TRIM33: variants seen among roughly 807,000 people sequenced by gnomAD.
TRIM33 encodes the protein E3 ubiquitin-protein ligase TRIM33.
In TRIM33, 20 loss-of-function variants were observed where a neutral mutation model predicts 125.4. The observed-to-expected ratio is 0.16, with a 90% CI of 0.11 to 0.23. The LOEUF (loss-of-function observed/expected upper bound fraction) is 0.23, where lower values mean the gene tolerates loss of function less well. TRIM33 is among the 10% of genes least tolerant of loss of function. The pLI, the probability that TRIM33 is intolerant of heterozygous loss-of-function variation, is 1.00. For missense variants in TRIM33, 920 were observed against 1,411.4 expected, an observed-to-expected ratio of 0.65 and a Z score of 5.58; for synonymous variants, 564 against 513.9, an observed-to-expected ratio of 1.10 and a Z score of -1.32.
At chr1:114,436,898 G>C (rs927421883) in intron 4 of TRIM33, among the ~76,000 whole-genome samples, 1 of 152,146 alleles carries the variant, frequency 6.6e-6, no homozygotes, top group Non-Finnish European at 1.5e-5. Context: ...TGTTAAATCT[G>C]AACAAATAAA....
chr1:114,459,585 CAT>C (rs1348329352), intron 4 of TRIM33, among the ~76,000 whole-genome samples: 1 of 152,130 alleles, frequency 6.6e-6, no homozygotes, highest in Non-Finnish European at 1.5e-5. Context: ...GCCTGGGCGA[CAT>C]AGCAAGATCT....
Position 114,433,621 on chromosome 1 carries a change from T to C in TRIM33, c.1036A>G (p.Asn346Asp), listed in dbSNP as rs769982816. Residue 346 changes from asparagine (N) to aspartate (D), a missense_variant, in exon 5 of 20, where the codon AAT becomes GAT. By Grantham distance (23) the Asn-to-Asp change is conservative. This residue lies in a region of TRIM33 where 50 missense variants were observed against 110.8 expected (regional missense o/e 0.45). Coordinates refer to ENST00000358465, the MANE Select transcript of TRIM33 (RefSeq NM_015906.4). ...YVHFAATQVQ[N>D]RIKEVNETNK... ...GTTTTAAGGCAACAAACTTACCTAT[T>C]CTGCACCTGAGTAGCTGCAAAATGA... 6.3e-7 allele frequency: 1 copy of C among 1,599,166 alleles called. No homozygotes were observed. Among genetic ancestry groups the C allele is most frequent in the South Asian group, 1.1e-5 (1 of 89,038 alleles).
Position 114,430,902 on chromosome 1 carries a change from C to T in TRIM33, c.1051G>A (p.Val351Ile). 1 of 1,576,162 alleles carries T rather than the reference C, an allele frequency of 6.3e-7. No homozygotes were observed. Among genetic ancestry groups the T allele is most frequent in the Non-Finnish European group, 8.7e-7 (1 of 1,145,986 alleles). Reference protein sequence around the residue: ...ATQVQNRIKEVNETNKRVEQE... With the variant: ...ATQVQNRIKEINETNKRVEQE... ...TCTACTCGTTTGTTAGTCTCATTTA[C>T]TTCTTTTATCCTGAATAAGAGAAAT... The change falls in exon 6 of 20, where the codon GTA (valine) becomes ATA (isoleucine). Residue 351 changes from valine (V) to isoleucine (I), a missense_variant. Physicochemically the swap from Val to Ile is conservative, Grantham distance 29. Transcript: ENST00000358465.
At chr1:114,463,667 A>T in intron 2 of TRIM33, 111 bp from the exon 3 acceptor site, 1 of 665,974 alleles carries the variant, frequency 1.5e-6, no homozygotes, top group Non-Finnish European at 2.5e-6. Context: ...GAATAAAATT[A>T]TTTTGTTATC....
At chr1:114,472,205 T>G (rs952268708) in intron 1 of TRIM33, among the ~76,000 whole-genome samples, 4 of 152,216 alleles carry the variant, frequency 2.6e-5, no homozygotes, top group African/African-American at 9.6e-5. Flanking sequence ...GGCTGCAATT[T>G]TCTTAAATTC....
At chr1:114,503,447 C>T (rs1652822779) in intron 1 of TRIM33, among the ~76,000 whole-genome samples, 1 of 152,100 alleles carries the variant, frequency 6.6e-6, no homozygotes, top group Non-Finnish European at 1.5e-5. Flanking sequence ...CACTGCACTC[C>T]AGTGTGGGTG....
At chr1:114,463,273 A>G in intron 3 of TRIM33, 37 bp from the exon 4 acceptor site, 2 of 1,569,920 alleles carry the variant, frequency 1.3e-6, no homozygotes, top group African/African-American at 1.4e-5. Context: ...TTAACCAAAC[A>G]TAAAATTTTT....
intron 4 of TRIM33, among the ~76,000 whole-genome samples, chr1:114,435,581 A>C (rs1648227393): frequency 2.0e-5 from 3 of 152,162 alleles, no homozygotes; most frequent in Non-Finnish European, 4.4e-5. Context: ...AGATAAAGGG[A>C]AGTTTACTTA....
chr1:114,426,199 G>A (rs78892455), intron 8 of TRIM33, among the ~76,000 whole-genome samples: 1,601 of 152,266 alleles, frequency 0.011, 12 homozygotes, highest in Non-Finnish European at 0.018. Flanking sequence ...ATCCTTAGAC[G>A]TGATGGTTTT....
intron 11 of TRIM33, among the ~76,000 whole-genome samples, chr1:114,420,734 G>T (rs1025753322): frequency 1.3e-5 from 2 of 152,180 alleles, no homozygotes; most frequent in Non-Finnish European, 2.9e-5. Flanking sequence ...ACTGAATCAA[G>T]CTAATGAACA....
At chr1:114,470,215 G>A (rs1650554415) in intron 1 of TRIM33, among the ~76,000 whole-genome samples, 3 of 152,152 alleles carry the variant, frequency 2.0e-5, no homozygotes, top group African/African-American at 7.2e-5. Flanking sequence ...CTGCTTCACA[G>A]ATGCTGAGCT....
chr1:114,457,844 T>C (rs1196651279), intron 4 of TRIM33, among the ~76,000 whole-genome samples: 1 of 152,236 alleles, frequency 6.6e-6, no homozygotes, highest in Non-Finnish European at 1.5e-5. Context: ...TTTTCCCCTA[T>C]GTTTGGGTTT....
intron 4 of TRIM33, among the ~76,000 whole-genome samples, chr1:114,434,841 G>A (rs768935876): frequency 6.6e-6 from 1 of 152,182 alleles, no homozygotes; most frequent in Admixed American, 6.5e-5. Context: ...GAAAAGCACA[G>A]CAGAGAAGAA....
At chr1:114,444,394 A>G (rs987397867) in intron 4 of TRIM33, among the ~76,000 whole-genome samples, 3 of 152,234 alleles carry the variant, frequency 2.0e-5, no homozygotes, top group African/African-American at 7.2e-5. Context: ...ATGGATTTCT[A>G]GAAGAACTCA....
chr1:114,423,665 G>A (rs1311190993), intron 10 of TRIM33, among the ~76,000 whole-genome samples: 1 of 151,546 alleles, frequency 6.6e-6, no homozygotes. Context: ...CTCCCAAAAT[G>A]CTGGGATTAC....
rs145966041 is a variant in TRIM33 at position 114,493,323 on chromosome 1, C to T, written c.526+17228G>A. Among the ~76,000 whole-genome samples the T allele has an allele frequency of 2.9e-3, 443 of 152,258 alleles. 2 individuals are homozygous for T. Among genetic ancestry groups the T allele is most frequent in the African/African-American group, 0.01 (425 of 41,554 alleles). ...ATACATGACTTACAAATACTTTCTC[C>T]CATTCTGCAGGTTTTCTTTTCACTT... On this transcript the variant is annotated intron_variant, in intron 1 of 19. Coordinates refer to ENST00000358465, the MANE Select transcript of TRIM33 (RefSeq NM_015906.4).
intron 16 of TRIM33, among the ~76,000 whole-genome samples, chr1:114,401,704 G>A (rs1284686944): frequency 6.6e-6 from 1 of 152,132 alleles, no homozygotes; most frequent in Non-Finnish European, 1.5e-5. Flanking sequence ...GTAATTTATG[G>A]AAGGGAGTCA....
intron 11 of TRIM33, among the ~76,000 whole-genome samples, chr1:114,419,543 C>CT (rs1004021273): frequency 6.6e-6 from 1 of 152,162 alleles, no homozygotes; most frequent in African/African-American, 2.4e-5. Flanking sequence ...AGAAATGTTA[C>CT]TTTTTAATTT....
rs1651513237 is a variant in TRIM33 at position 114,395,797 on chromosome 1, A to G, written c.*1851T>C. On this transcript the variant is annotated 3_prime_UTR_variant, in exon 20 of 20. Transcript: ENST00000358465. ...AAAGTGAAAAGGAAGCCAGGAATAAAGTAAATCAATAGTAATAATAAAATC... is the reference window on the plus strand; with the variant it reads ...AAAGTGAAAAGGAAGCCAGGAATAAGGTAAATCAATAGTAATAATAAAATC... 5.3e-6 allele frequency: 1 copy of G among 190,472 alleles called. No homozygotes were observed. The highest frequency in any genetic ancestry group is 1.1e-5 in the Non-Finnish European group (1 of 90,792). The allele number at this position is 190,472 out of a possible 1,614,324, so 11.8% of individuals were successfully genotyped here.
Sources: gnomAD v4.1 joint callset for allele counts (sites outside exome capture counted in the v4.1 genomes callset) on GRCh38, gnomAD v4.1.1 for gene constraint, gnomAD v4.1.1 regional missense constraint, MANE v1.5 for transcripts, NCBI Gene and HGNC (gene_info 2026-07-23, HGNC 2026-07-21) for gene names.